The following TRAPPC9 variants were observed in gnomAD, a reference collection of about 807,000 sequenced individuals.
The protein encoded by TRAPPC9 is IKK2 binding protein.
A neutral mutation model predicts 124.0 loss-of-function variants in TRAPPC9; 83 were observed. That is an observed-to-expected ratio of 0.67 (90% CI 0.56 to 0.80). The LOEUF (loss-of-function observed/expected upper bound fraction) is 0.80, where lower values mean the gene tolerates loss of function less well. TRAPPC9 is among the 30% of genes least tolerant of loss of function. The pLI, the probability that TRAPPC9 is intolerant of heterozygous loss-of-function variation, is 0.00. For synonymous variants in TRAPPC9, 638 were observed against 617.5 expected (o/e 1.03, Z -0.49); for missense variants, 1,302 against 1,508.3 (o/e 0.86, Z 2.27).
intron 9 of TRAPPC9, among the ~76,000 whole-genome samples, chr8:140,344,624 G>A (rs2067284648): frequency 6.6e-6 from 1 of 152,226 alleles, no homozygotes; most frequent in Admixed American, 6.5e-5. Flanking sequence ...GACCCAGGGG[G>A]AAGCTGTTCA....
At chr8:140,007,505 A>G (rs1838836783) in intron 18 of TRAPPC9, among the ~76,000 whole-genome samples, 1 of 152,252 alleles carries the variant, frequency 6.6e-6, no homozygotes, top group Admixed American at 6.5e-5. Context: ...TGTTTCATGC[A>G]TCACCATTTG....
chr8:140,452,856 G>A (rs1019471132), intron 1 of TRAPPC9, among the ~76,000 whole-genome samples: 1 of 152,178 alleles, frequency 6.6e-6, no homozygotes, highest in African/African-American at 2.4e-5. Context: ...CGCACGATCT[G>A]GGTGACCTGG....
intron 7 of TRAPPC9, among the ~76,000 whole-genome samples, chr8:140,396,662 T>G (rs1313522645): frequency 6.6e-6 from 1 of 151,438 alleles, no homozygotes; most frequent in African/African-American, 2.4e-5. Context: ...TGGGCATCAC[T>G]CATGCTGAGC....
chr8:139,914,131 G>A (rs988257529), intron 19 of TRAPPC9: 3 of 152,346 alleles, frequency 2.0e-5, no homozygotes, highest in African/African-American at 4.8e-5. Flanking sequence ...AGCACTGCCA[G>A]AACTTTGAAT....
chr8:140,236,087 T>C (rs1326897160), intron 16 of TRAPPC9, among the ~76,000 whole-genome samples: 3 of 136,496 alleles, frequency 2.2e-5, no homozygotes, highest in East Asian at 3.3e-4. Context: ...TCCTTTTTTT[T>C]TTTTTTTTTT....
At chr8:140,095,109 G>A (rs1014054428) in intron 17 of TRAPPC9, 6 of 152,202 alleles carry the variant, frequency 3.9e-5, no homozygotes, top group African/African-American at 1.2e-4. Context: ...TGTGCCTGCC[G>A]TGGCCACACC....
intron 15 of TRAPPC9, among the ~76,000 whole-genome samples, chr8:140,260,642 G>C (rs1212326850): frequency 2.0e-5 from 3 of 152,196 alleles, no homozygotes; most frequent in African/African-American, 7.2e-5. Flanking sequence ...GAGAACACAA[G>C]ACAATAACTG....
intron 16 of TRAPPC9, among the ~76,000 whole-genome samples, chr8:140,239,276 A>C (rs1478693335): frequency 6.6e-6 from 1 of 152,176 alleles, no homozygotes. Flanking sequence ...GCTGAGCTGC[A>C]TGAGCACATG....
chr8:140,300,662 G>C (rs370313122), intron 10 of TRAPPC9, 48 bp from the exon 11 acceptor site: 27 of 1,611,814 alleles, frequency 1.7e-5, no homozygotes, highest in Non-Finnish European at 2.0e-5. Context: ...TGGTTAGCGT[G>C]GTTTCAGGAT....
At chr8:139,845,364 T>C (rs1827007248) in intron 21 of TRAPPC9, among the ~76,000 whole-genome samples, 1 of 152,118 alleles carries the variant, frequency 6.6e-6, no homozygotes, top group Admixed American at 6.5e-5. Flanking sequence ...TTTATAAACA[T>C]ATACGGGTTC....
chr8:139,863,370 G>A (rs772193058), intron 21 of TRAPPC9, among the ~76,000 whole-genome samples: 9 of 152,214 alleles, frequency 5.9e-5, no homozygotes, highest in Non-Finnish European at 8.8e-5. Flanking sequence ...GAGGAGGCAC[G>A]GAGGGCCCAA....
intron 4 of TRAPPC9, among the ~76,000 whole-genome samples, chr8:140,429,547 T>C (rs909379216): frequency 6.6e-6 from 1 of 152,214 alleles, no homozygotes; most frequent in Admixed American, 6.5e-5. Flanking sequence ...GTTAAATTGG[T>C]GTATATAAAA....
chr8:140,091,504 T>C (rs2130182425), intron 17 of TRAPPC9, among the ~76,000 whole-genome samples: 1 of 152,284 alleles, frequency 6.6e-6, no homozygotes, highest in East Asian at 1.9e-4. Flanking sequence ...AAGGACACTT[T>C]GAAAATGTCT....
intron 7 of TRAPPC9, among the ~76,000 whole-genome samples, chr8:140,377,820 C>T (rs968886580): frequency 6.6e-6 from 1 of 152,096 alleles, no homozygotes; most frequent in African/African-American, 2.4e-5. Flanking sequence ...ATTAGATGGA[C>T]ACGGTGGTGC....
chr8:140,290,180 G>A (rs556221750), intron 12 of TRAPPC9, among the ~76,000 whole-genome samples: 1 of 152,270 alleles, frequency 6.6e-6, no homozygotes, highest in East Asian at 1.9e-4. Context: ...GGCCTTGCCT[G>A]GGGACCGACA....
intron 17 of TRAPPC9, among the ~76,000 whole-genome samples, chr8:140,140,759 C>A (rs1415400968): frequency 6.6e-6 from 1 of 152,126 alleles, no homozygotes; most frequent in Non-Finnish European, 1.5e-5. Context: ...GTAGTCATTC[C>A]TCAGTAAGGT....
At chr8:140,188,929 G>A (rs1026105633) in intron 17 of TRAPPC9, among the ~76,000 whole-genome samples, 4 of 152,144 alleles carry the variant, frequency 2.6e-5, no homozygotes, top group African/African-American at 9.7e-5. Flanking sequence ...AGGCAGCCCT[G>A]TAACTTCCCA....
intron 17 of TRAPPC9, among the ~76,000 whole-genome samples, chr8:140,192,623 G>A (rs1399931878): frequency 3.3e-5 from 5 of 152,208 alleles, no homozygotes; most frequent in East Asian, 1.9e-4. Context: ...AACCTGCTCC[G>A]ACGAGGTTTA....
chr8:139,937,629 G>A (rs988242695), intron 19 of TRAPPC9, among the ~76,000 whole-genome samples: 5 of 152,098 alleles, frequency 3.3e-5, no homozygotes, highest in Non-Finnish European at 7.4e-5. Flanking sequence ...CCACACTGGA[G>A]GCAGCAAGGA....
Sources: gnomAD v4.1 joint callset for allele counts (sites outside exome capture counted in the v4.1 genomes callset) on GRCh38, gnomAD v4.1.1 for gene constraint, MANE v1.5 for transcripts, NCBI Gene and HGNC (gene_info 2026-07-23, HGNC 2026-07-21) for gene names.